The following FANCA variants were observed in gnomAD, a reference collection of about 807,000 sequenced individuals.
FANCA encodes the protein FA complementation group A.
A neutral mutation model predicts 194.3 loss-of-function variants in FANCA; 236 were observed. The ratio of observed to expected loss-of-function variants is 1.21; its 90% CI spans 1.09 to 1.35. The LOEUF is 1.35. FANCA is among the 40% of genes most tolerant of loss of function. The pLI, the probability that FANCA is intolerant of heterozygous loss-of-function variation, is 0.00. For synonymous variants in FANCA, 1,014 were observed against 715.8 expected (o/e 1.42, Z -6.65); for missense variants, 2,628 against 1,813.9 (o/e 1.45, Z -8.15).
In FANCA at chr16:89,739,489, G is replaced by A. The variant is rs774576283; in HGVS notation, c.3999C>T (p.Phe1333=). ...GTGGGTGGAGGTACCTGTAAAAAGC[G>A]AAAGGCAGCAGCCTGGTGTGCTGAT... ...APDQHTRLLP[F]AFYSLLSYFH... is the part of the protein sequence containing the mutation. Residue 1333 remains phenylalanine, a synonymous_variant, in exon 40 of 43, where the codon TTC becomes TTT. Transcript: ENST00000389301. 73 of 1,551,198 alleles carry A rather than the reference G, an allele frequency of 4.7e-5. No individual in the cohort carries two copies. Among genetic ancestry groups the A allele is most frequent in the East Asian group, 2.4e-4 (10 of 40,996 alleles).
intron 38 of FANCA, 92 bp downstream of exon 38, chr16:89,740,712 G>C: frequency 9.6e-7 from 1 of 1,043,220 alleles, no homozygotes; most frequent in East Asian, 2.5e-5. Context: ...TCCTGAGCTA[G>C]TCTGGAAACC....
At chr16:89,799,662 C>T in intron 8 of FANCA, 24 bp from the exon 9 acceptor site, 2 of 1,596,336 alleles carry the variant, frequency 1.3e-6, no homozygotes, top group Non-Finnish European at 1.7e-6. Context: ...ATGTGAGTTA[C>T]CATCTTGGTA....
intron 9 of FANCA, 79 bp downstream of exon 9, chr16:89,799,526 G>A: frequency 5.9e-6 from 8 of 1,360,436 alleles, no homozygotes; most frequent in South Asian, 5.8e-5. Context: ...TACCTCAAAT[G>A]GAAAGGCAGA....
At position 89,738,090 on chromosome 16, in the gene FANCA, T is replaced by C. The variant is rs2151708169; in HGVS notation, c.*511A>G. On this transcript the variant is annotated 3_prime_UTR_variant, in exon 43 of 43. Transcript: ENST00000389301. ...CCTGTGACCAGTGTGGCCGGCGGTTTGAGAAGGCCCACAACCTCAATGTAC... is the reference window on the plus strand; with the variant it reads ...CCTGTGACCAGTGTGGCCGGCGGTTCGAGAAGGCCCACAACCTCAATGTAC... 1.2e-6 allele frequency: 2 copies of C among 1,614,044 alleles called. No individual in the cohort carries two copies. The highest frequency in any genetic ancestry group is 2.2e-5 in the South Asian group (2 of 91,084).
intron 17 of FANCA, among the ~76,000 whole-genome samples, chr16:89,780,337 G>C (rs907220127): frequency 6.6e-6 from 1 of 152,150 alleles, no homozygotes. Flanking sequence ...AAGAAATTAC[G>C]AGGGCTGGGT....
intron 14 of FANCA, among the ~76,000 whole-genome samples, chr16:89,788,775 G>C (rs912581639): frequency 5.3e-5 from 8 of 152,032 alleles, no homozygotes; most frequent in African/African-American, 1.9e-4. Flanking sequence ...ACTCCAGCCT[G>C]GGCAACACTC....
At chr16:89,773,205 C>T in intron 22 of FANCA, 66 bp downstream of exon 22, 1 of 1,289,794 alleles carries the variant, frequency 7.8e-7, no homozygotes, top group Admixed American at 2.0e-5. Context: ...GAAAATGGCC[C>T]AGCCACAGAG....
chr16:89,797,507 G>A (rs1012152059), intron 10 of FANCA, among the ~76,000 whole-genome samples: 1 of 152,134 alleles, frequency 6.6e-6, no homozygotes, highest in African/African-American at 2.4e-5. Context: ...TCCTCACAGG[G>A]CAGGGCTTTG....
intron 15 of FANCA, among the ~76,000 whole-genome samples, chr16:89,783,967 G>C (rs2039810100): frequency 6.6e-6 from 1 of 152,046 alleles, no homozygotes; most frequent in Non-Finnish European, 1.5e-5. Context: ...CTCCACATTG[G>C]TCAGGCTGGT....
rs1405626680 is a variant in FANCA at position 89,770,003 on chromosome 16, G to C, written c.2338C>G (p.His780Asp). ...GCCAGGGCAGCCAACCCCAGCACAT[G>C]TGGGGCACTCAGGCTCGGGCCCTGC... ...RHQGPSLSAP[H>D]VLGLAALAVH... Residue 780 changes from histidine to aspartate, a missense_variant, in exon 26 of 43, where the codon CAT becomes GAT. Physicochemically the swap from His to Asp is moderately conservative, Grantham distance 81. Transcript: ENST00000389301. 6.2e-7 allele frequency: 1 copy of C among 1,613,748 alleles called. No homozygotes were observed. The highest frequency in any genetic ancestry group is 1.3e-5 in the African/African-American group (1 of 74,950).
At chr16:89,771,572 C>A in intron 23 of FANCA, 106 bp downstream of exon 23, 1 of 1,347,236 alleles carries the variant, frequency 7.4e-7, no homozygotes, top group South Asian at 1.2e-5. Context: ...ACGACACTAA[C>A]TGAGCAAGTC....
rs17227438 is a variant in FANCA at position 89,737,947 on chromosome 16, G to A, written c.*654C>T. On this transcript the variant is annotated 3_prime_UTR_variant, in exon 43 of 43. Coordinates refer to ENST00000389301, the MANE Select transcript of FANCA (RefSeq NM_000135.4). ...ACCCCCTCCCAGGGCTGTGGCCCTC[G>A]CACCTTCTTATCTGCCTCTGTCCCC... is the stretch of plus-strand genomic sequence containing the variant. The A allele has an allele frequency of 1.5e-3, 2,446 of 1,614,022 alleles. 29 individuals carry two copies. The highest frequency in any genetic ancestry group is 5.4e-3 in the Middle Eastern group (33 of 6,062).
At position 89,748,624 on chromosome 16, in the gene FANCA, C is replaced by G. The variant is rs781356893; in HGVS notation, c.3348+35G>C. 8.5e-6 allele frequency: 13 copies of G among 1,523,102 alleles called. No individual in the cohort carries two copies. In the South Asian group the frequency reaches 1.3e-4, roughly 16 times the overall value. 94.3% of individuals were successfully genotyped at this position (1,523,102 alleles called of 1,614,324 possible). A position where few individuals can be genotyped will look rare whatever the true frequency, so the allele number is the denominator to read the frequency against. On this transcript the variant is annotated intron_variant, in intron 33 of 42. Coordinates refer to ENST00000389301, the MANE Select transcript of FANCA (RefSeq NM_000135.4). The stretch of plus-strand genomic sequence containing the variant: ...CTGCTGTTAGCGCCACAGGCACTGA[C>G]AGATCGGACGGACACGTGCACACGG...
chr16:89,791,372 G>C, intron 14 of FANCA, 31 bp downstream of exon 14: 1 of 1,611,736 alleles, frequency 6.2e-7, no homozygotes, highest in African/African-American at 1.3e-5. Context: ...GGAAGATCAG[G>C]TATTAGGTAG....
At chr16:89,787,519 T>G (rs888668484) in intron 14 of FANCA, among the ~76,000 whole-genome samples, 2 of 151,524 alleles carry the variant, frequency 1.3e-5, no homozygotes, top group African/African-American at 4.9e-5. Flanking sequence ...AACTCCATCT[T>G]AAAAAAACAA....
chr16:89,800,249 T>C (rs557658873), intron 8 of FANCA, among the ~76,000 whole-genome samples: 1 of 152,350 alleles, frequency 6.6e-6, no homozygotes, highest in South Asian at 2.1e-4. Context: ...GCTGTGGAAC[T>C]AAGGACTTTC....
At chr16:89,760,013 G>A (rs1378442467) in intron 29 of FANCA, among the ~76,000 whole-genome samples, 1 of 152,204 alleles carries the variant, frequency 6.6e-6, no homozygotes, top group Non-Finnish European at 1.5e-5. Context: ...CACCCACGCT[G>A]TCCGGAACTG....
At chr16:89,808,159 G>T (rs1193748617) in intron 6 of FANCA, 135 bp downstream of exon 6, 1 of 793,668 alleles carries the variant, frequency 1.3e-6, no homozygotes, top group Non-Finnish European at 2.3e-6. Context: ...GTATAAATAT[G>T]CAATGCAATC....
At chr16:89,795,877 C>CAACTGAG in intron 11 of FANCA, 29 bp downstream of exon 11, 1 of 1,540,520 alleles carries the variant, frequency 6.5e-7, no homozygotes, top group Non-Finnish European at 9.0e-7. Flanking sequence ...AAATGGGTAG[C>CAACTGAG]AACTGAGCAG....
Sources: allele counts gnomAD v4.1 joint callset (sites outside exome capture counted in the v4.1 genomes callset), GRCh38; gene constraint gnomAD v4.1.1; transcripts MANE v1.5; gene names NCBI Gene and HGNC (gene_info 2026-07-23, HGNC 2026-07-21).